Variants in NBAS observed in about 807,000 individuals in gnomAD.
The protein encoded by NBAS is NAG/BC035112 fusion.
In NBAS, 219 loss-of-function variants were observed where a neutral mutation model predicts 302.5. The observed-to-expected ratio is 0.72, with a 90% CI of 0.65 to 0.81. The LOEUF (loss-of-function observed/expected upper bound fraction) is 0.81, where lower values mean the gene tolerates loss of function less well. Among genes scored for constraint, NBAS ranks in the 30% least tolerant of loss-of-function variants. NBAS has a pLI of 0.00. For synonymous variants in NBAS, 1,118 were observed against 1,021.6 expected, an observed-to-expected ratio of 1.09 and a Z score of -1.80; for missense variants, 2,932 against 2,841.6, an observed-to-expected ratio of 1.03 and a Z score of -0.72.
Position 15,219,030 on chromosome 2 carries a change from T to C in NBAS, c.6237-62A>G, listed in dbSNP as rs147636316. On this transcript the variant is annotated intron_variant, in intron 47 of 51. Coordinates refer to ENST00000281513, the MANE Select transcript of NBAS (RefSeq NM_015909.4). ...AAGCCTTTTATTTTCCCCCTTCCGG[T>C]AATCAAATGTGGTCACTGACCTAAC... 5.0e-4 allele frequency: 793 copies of C among 1,577,952 alleles called. 7 individuals carry two copies. The African/African-American group carries it at 9.8e-3, about 20-fold the overall frequency.
At chr2:15,494,363 A>C (rs1028045926) in intron 11 of NBAS, among the ~76,000 whole-genome samples, 2 of 152,218 alleles carry the variant, frequency 1.3e-5, no homozygotes, top group Admixed American at 1.3e-4. Flanking sequence ...ACACATTATA[A>C]GGTTGCCCCA....
chr2:15,123,097 G>A, the NBAS span, among the ~76,000 whole-genome samples: 1 of 152,166 alleles, frequency 6.6e-6, no homozygotes, highest in Non-Finnish European at 1.5e-5. Context: ...GCCCCACCCC[G>A]AGGTAGCCTG....
chr2:15,522,054 G>A (rs1181726494), intron 9 of NBAS, among the ~76,000 whole-genome samples: 2 of 152,124 alleles, frequency 1.3e-5, no homozygotes, highest in African/African-American at 4.8e-5. Context: ...AAACCACAAA[G>A]GGCCTTTAAT....
chr2:15,426,227 T>C (rs1677469033), intron 22 of NBAS, among the ~76,000 whole-genome samples: 1 of 152,244 alleles, frequency 6.6e-6, no homozygotes, highest in Non-Finnish European at 1.5e-5. Flanking sequence ...GTTTCTAGTG[T>C]TTTTCCTAAG....
At chr2:15,174,934 C>A (rs1664462417) in intron 51 of NBAS, among the ~76,000 whole-genome samples, 1 of 152,112 alleles carries the variant, frequency 6.6e-6, no homozygotes, top group Non-Finnish European at 1.5e-5. Flanking sequence ...CAAGGAGAAA[C>A]CCTTAATTAG....
At chr2:15,314,495 G>A (rs1290125162) in intron 38 of NBAS, among the ~76,000 whole-genome samples, 1 of 152,168 alleles carries the variant, frequency 6.6e-6, no homozygotes, top group Non-Finnish European at 1.5e-5. Flanking sequence ...CATCTTTACA[G>A]CTTCAATCCT....
At chr2:15,094,211 A>T in the NBAS span, among the ~76,000 whole-genome samples, 1 of 152,164 alleles carries the variant, frequency 6.6e-6, no homozygotes, top group Admixed American at 6.6e-5. Context: ...TCCAGCCCTC[A>T]CTGGCTATTA....
At chr2:14,879,472 G>A in the NBAS span, among the ~76,000 whole-genome samples, 705 of 152,114 alleles carry the variant, frequency 4.6e-3, 6 homozygotes, top group African/African-American at 0.016. Flanking sequence ...CTTTACCAAC[G>A]GTGACATTAA....
chr2:15,467,939 C>T, intron 17 of NBAS, 135 bp from the exon 18 acceptor site: 2 of 804,906 alleles, frequency 2.5e-6, no homozygotes, highest in South Asian at 1.8e-5. Context: ...AAAACTTTTG[C>T]CATTGTAAAC....
the NBAS span, among the ~76,000 whole-genome samples, chr2:15,031,584 G>C: frequency 6.6e-6 from 1 of 152,204 alleles, no homozygotes; most frequent in Non-Finnish European, 1.5e-5. Flanking sequence ...GATGTGGAGA[G>C]GCAGTTGGTG....
chr2:14,788,772 G>A, the NBAS span, among the ~76,000 whole-genome samples: 7 of 152,196 alleles, frequency 4.6e-5, no homozygotes, highest in African/African-American at 1.7e-4. Flanking sequence ...GCTGCTCGGG[G>A]GTCAGGGGTT....
intron 38 of NBAS, among the ~76,000 whole-genome samples, chr2:15,309,462 T>C (rs1405683804): frequency 6.6e-6 from 1 of 152,174 alleles, no homozygotes; most frequent in Non-Finnish European, 1.5e-5. Flanking sequence ...TATTGGTTAC[T>C]TACACATGAG....
chr2:15,506,246 G>A (rs1661843121), intron 10 of NBAS, among the ~76,000 whole-genome samples: 1 of 151,580 alleles, frequency 6.6e-6, no homozygotes, highest in African/African-American at 2.4e-5. Context: ...TACAGAAACA[G>A]AAAATGGAAA....
chr2:14,848,271 G>C, the NBAS span, among the ~76,000 whole-genome samples: 6 of 149,398 alleles, frequency 4.0e-5, no homozygotes, highest in African/African-American at 7.7e-5. Context: ...CCTGGGAAGC[G>C]CAAGGGGTCA....
chr2:14,802,706 G>A, the NBAS span, among the ~76,000 whole-genome samples: 1 of 144,864 alleles, frequency 6.9e-6, no homozygotes, highest in Non-Finnish European at 1.5e-5. Context: ...ATACTATGCA[G>A]CCATAAAAAA....
At chr2:15,548,703 A>T (rs992721337) in intron 6 of NBAS, among the ~76,000 whole-genome samples, 1 of 151,778 alleles carries the variant, frequency 6.6e-6, no homozygotes, top group African/African-American at 2.4e-5. Flanking sequence ...GTGCTGTGAT[A>T]TAGGCAGAAG....
In NBAS at chr2:15,353,605, G is replaced by C. The variant is rs1407240944; in HGVS notation, c.4037C>G (p.Pro1346Arg). Reference sequence around the variant, plus strand: ...CAAAAGAAGTTCAATGCTGCTAGGAGGGCAATGTGTCAAAGCAAAAGCCAT... The same window carrying C: ...CAAAAGAAGTTCAATGCTGCTAGGACGGCAATGTGTCAAAGCAAAAGCCAT... ...ELMAFALTHC[P>R]PSSIELLLAA... The change falls in exon 34 of 52, where the codon CCT (proline) becomes CGT (arginine). Residue 1346 changes from proline (P) to arginine (R), a missense_variant. Transcript: ENST00000281513. 6.2e-7 allele frequency: 1 copy of C among 1,614,084 alleles called. No homozygotes were observed. The highest frequency in any genetic ancestry group is 8.5e-7 in the Non-Finnish European group (1 of 1,179,966).
At chr2:14,865,119 A>G in the NBAS span, among the ~76,000 whole-genome samples, 2 of 152,154 alleles carry the variant, frequency 1.3e-5, no homozygotes, top group East Asian at 3.9e-4. Context: ...CTTCTTAACT[A>G]TACTAGAGCT....
At chr2:14,870,160 A>G in the NBAS span, among the ~76,000 whole-genome samples, 5 of 152,198 alleles carry the variant, frequency 3.3e-5, no homozygotes, top group African/African-American at 9.6e-5. Context: ...AAGAGATTCT[A>G]CAGTGCAAGG....
Sources: allele counts gnomAD v4.1 joint callset (sites outside exome capture counted in the v4.1 genomes callset), GRCh38; gene constraint gnomAD v4.1.1; transcripts MANE v1.5; gene names NCBI Gene and HGNC (gene_info 2026-07-23, HGNC 2026-07-21).